The following ERCC3 variants were observed in gnomAD, a reference collection of about 807,000 sequenced individuals.
ERCC3 encodes general transcription and DNA repair factor IIH helicase/translocase subunit XPB.
In ERCC3, 66 loss-of-function variants were observed where a neutral mutation model predicts 94.2. The ratio of observed to expected loss-of-function variants is 0.70; its 90% CI spans 0.57 to 0.86. The LOEUF is 0.86. Ranked by LOEUF, ERCC3 falls within the 40% of genes least tolerant of loss-of-function variation. The pLI, the probability that ERCC3 is intolerant of heterozygous loss-of-function variation, is 0.00. For synonymous variants in ERCC3, 349 were observed against 369.1 expected, an observed-to-expected ratio of 0.95 and a Z score of 0.63; for missense variants, 829 against 987.1, an observed-to-expected ratio of 0.84 and a Z score of 2.15.
At position 127,279,213 on chromosome 2, in the gene ERCC3, T is replaced by G; in HGVS notation, c.1690A>C (p.Asn564His). Residue 564 changes from asparagine (N) to histidine (H), a missense_variant, in exon 10 of 15, where the codon AAT (asparagine) becomes CAT (histidine). By Grantham distance (68) the Asn-to-His change is moderately conservative (BLOSUM62 1). Transcript: ENST00000285398. The surrounding 1 kb of genome is among the most constrained non-coding windows in gnomAD (Gnocchi z 4.7). The stretch of plus-strand genomic sequence containing the variant: ...GCATATTCCTTTAGGGCAAACACAT[T>G]GTCAGCAAAGACAATAATCTTGTCA... ...RNDKIIVFAD[N>H]VFALKEYAIR... 1 of 1,613,968 alleles carries G rather than the reference T, an allele frequency of 6.2e-7. No homozygotes were observed. Among genetic ancestry groups the G allele is most frequent in the Non-Finnish European group, 8.5e-7 (1 of 1,179,822 alleles).
Position 127,280,781 on chromosome 2 carries a change from C to T in ERCC3, c.1343-150G>A. The T allele has an allele frequency of 1.4e-6, 1 of 723,326 alleles. No individual in the cohort carries two copies. The highest frequency in any genetic ancestry group is 2.4e-6 in the Non-Finnish European group (1 of 424,444). 44.8% of individuals were successfully genotyped at this position (723,326 alleles called of 1,614,324 possible). A position where few individuals can be genotyped will look rare whatever the true frequency, so the allele number is the denominator to read the frequency against. ...GCCTCAAGCAATCCCCCTGCCTTCG[C>T]CTCCCAAAGTGCTGGGATTACAGAC... On this transcript the variant is annotated intron_variant, in intron 8 of 14. Coordinates refer to ENST00000285398, the MANE Select transcript of ERCC3 (RefSeq NM_000122.2). This position sits in a 1 kb window ranked among gnomAD's most constrained non-coding sequence, Gnocchi z 6.3.
Position 127,261,210 on chromosome 2 carries a change from A to G in ERCC3, c.2064+18T>C. On this transcript the variant is annotated intron_variant, in intron 13 of 14. Transcript: ENST00000285398. The stretch of plus-strand genomic sequence containing the variant: ...AGGCCTTGGTCCTAGTCTAACCAGA[A>G]GCCAAATGGATATGTACCTTGAAGC... 1 of 1,487,066 alleles carries G rather than the reference A, an allele frequency of 6.7e-7. No individual in the cohort carries two copies. The highest frequency in any genetic ancestry group is 9.4e-7 in the Non-Finnish European group (1 of 1,063,936). The allele number at this position is 1,487,066 out of a possible 1,614,324, so 92.1% of individuals were successfully genotyped here.
Position 127,271,587 on chromosome 2 carries a change from G to A in ERCC3, c.1828-134C>T. 1 of 717,658 alleles carries A rather than the reference G, an allele frequency of 1.4e-6. No homozygotes were observed. The highest frequency in any genetic ancestry group is 2.5e-6 in the Non-Finnish European group (1 of 407,224). The allele number at this position is 717,658 out of a possible 1,614,324, so 44.5% of individuals were successfully genotyped here. On this transcript the variant is annotated intron_variant, in intron 11 of 14. Coordinates refer to ENST00000285398, the MANE Select transcript of ERCC3 (RefSeq NM_000122.2). The surrounding 1 kb of genome is among the most constrained non-coding windows in gnomAD (Gnocchi z 5.0). ...CTCCTCTTTATACCAGGGTCTATCT[G>A]ATGCAGGCAGAGAGAGGTGAAGCAA...
rs936608930 is a variant in ERCC3, at chr2:127,274,340, A to G, written c.1731-1379T>C. On this transcript the variant is annotated intron_variant, in intron 10 of 14. Transcript: ENST00000285398. The surrounding 1 kb of genome is among the most constrained non-coding windows in gnomAD (Gnocchi z 4.0). The stretch of plus-strand genomic sequence containing the variant: ...AGAAAAAAAAAAAAAAGAAAAAGAA[A>G]AGAAAAAAATCCAGCCAGCCCTGCC... Among the ~76,000 whole-genome samples, 3 of 152,100 alleles carry G rather than the reference A, an allele frequency of 2.0e-5. No individual in the cohort carries two copies. Among genetic ancestry groups the G allele is most frequent in the Non-Finnish European group, 4.4e-5 (3 of 68,014 alleles).
At chr2:127,287,135 C>T in intron 7 of ERCC3, 118 bp from the exon 8 acceptor site, 1 of 764,226 alleles carries the variant, frequency 1.3e-6, no homozygotes, top group South Asian at 1.6e-5. Context: ...GTCCACATAG[C>T]TGACATCTGA....
At position 127,264,913 on chromosome 2, in the gene ERCC3, T is replaced by C. The variant is rs1412617887; in HGVS notation, c.1946-3567A>G. ...CCCAGGCTGGAGTGCAGTGGCACGA[T>C]CTCAGCTCACTGCAACCTCCACCTC... is the stretch of plus-strand genomic sequence containing the variant. On this transcript the variant is annotated intron_variant, in intron 12 of 14. Coordinates refer to ENST00000285398, the MANE Select transcript of ERCC3 (RefSeq NM_000122.2). This position sits in a 1 kb window ranked among gnomAD's most constrained non-coding sequence, Gnocchi z 4.4. Among the ~76,000 whole-genome samples the C allele has an allele frequency of 6.6e-6, 1 of 151,398 alleles. No individual in the cohort carries two copies. Among genetic ancestry groups the C allele is most frequent in the African/African-American group, 2.4e-5 (1 of 41,140 alleles).
At chr2:127,286,009 T>G (rs1485046778) in intron 8 of ERCC3, among the ~76,000 whole-genome samples, 2 of 152,052 alleles carry the variant, frequency 1.3e-5, no homozygotes, top group Non-Finnish European at 2.9e-5. Context: ...CCCATGATAC[T>G]TGGAGAAGTA....
At chr2:127,260,677 T>C (rs966885824) in intron 13 of ERCC3, 1 of 162,082 alleles carries the variant, frequency 6.2e-6, no homozygotes, top group African/African-American at 2.4e-5. Context: ...TAGTGGACCA[T>C]AGGGGGAATT....
chr2:127,263,068 A>G (rs1415878850), intron 12 of ERCC3, among the ~76,000 whole-genome samples: 2 of 152,176 alleles, frequency 1.3e-5, no homozygotes, highest in African/African-American at 4.8e-5. Flanking sequence ...TAAGCCCTGT[A>G]GCATAGTTTG....
At position 127,264,292 on chromosome 2, in the gene ERCC3, T is replaced by C. The variant is rs1684286637; in HGVS notation, c.1946-2946A>G. Among the ~76,000 whole-genome samples the C allele has an allele frequency of 6.6e-6, 1 of 152,108 alleles. No individual in the cohort carries two copies. The highest frequency in any genetic ancestry group is 1.5e-5 in the Non-Finnish European group (1 of 68,010). On this transcript the variant is annotated intron_variant, in intron 12 of 14. Transcript: ENST00000285398. This position sits in a 1 kb window ranked among gnomAD's most constrained non-coding sequence, Gnocchi z 4.4. Reference sequence around the variant, plus strand: ...CAGCACTGCCAACATGGCGAAACCCTGTCTCTACTAAAAATACAAAAAAAT... The same window carrying C: ...CAGCACTGCCAACATGGCGAAACCCCGTCTCTACTAAAAATACAAAAAAAT...
intron 2 of ERCC3, 85 bp downstream of exon 2, chr2:127,293,428 T>G: frequency 8.1e-7 from 1 of 1,227,460 alleles, no homozygotes; most frequent in Non-Finnish European, 1.2e-6. Context: ...GTATCCTGAA[T>G]GTCAGTTTTG....
Position 127,293,636 on chromosome 2 carries a change from C to A in ERCC3, c.111G>T (p.Ala37=), listed in dbSNP as rs749971925. The part of the protein sequence containing the change: ...EDAPGNDPQE[A]VPSAAGKQVD... Reference sequence around the variant, plus strand: ...CCTGCTTCCCCGCCGCCGAGGGAACCGCTTCCTGAGGGTCGTTCCCCGGGG... The same window carrying A: ...CCTGCTTCCCCGCCGCCGAGGGAACAGCTTCCTGAGGGTCGTTCCCCGGGG... The change falls in exon 2 of 15, where the codon GCG becomes GCT. Residue 37 remains alanine, a synonymous_variant. Coordinates refer to ENST00000285398, the MANE Select transcript of ERCC3 (RefSeq NM_000122.2). 6.8e-6 allele frequency: 11 copies of A among 1,614,178 alleles called. No homozygotes were observed. Among genetic ancestry groups the A allele is most frequent in the East Asian group, 2.2e-5 (1 of 44,874 alleles).
In ERCC3 at chr2:127,258,058, T is replaced by C. The variant is rs1684073273; in HGVS notation, c.2218-331A>G. Among the ~76,000 whole-genome samples the C allele has an allele frequency of 6.6e-6, 1 of 152,074 alleles. No homozygotes were observed. The highest frequency in any genetic ancestry group is 2.4e-5 in the African/African-American group (1 of 41,416). The stretch of plus-strand genomic sequence containing the variant: ...CCTGGCTTCAGACTGTTCTTAACCA[T>C]AATGCCACACTACCTCACTTAATAA... On this transcript the variant is annotated intron_variant, in intron 14 of 14. Transcript: ENST00000285398. The surrounding 1 kb of genome is among the most constrained non-coding windows in gnomAD (Gnocchi z 4.1).
At position 127,279,076 on chromosome 2, in the gene ERCC3, G is replaced by A. The variant is rs1374743801; in HGVS notation, c.1730+97C>T. The stretch of plus-strand genomic sequence containing the variant: ...GATCTTTGGAGCCCAAGAAGTTCCT[G>A]AGAGAAAAACAAAAAAACAAAACAA... On this transcript the variant is annotated intron_variant, in intron 10 of 14. Coordinates refer to ENST00000285398, the MANE Select transcript of ERCC3 (RefSeq NM_000122.2). The surrounding 1 kb of genome is among the most constrained non-coding windows in gnomAD (Gnocchi z 4.7). 2.4e-6 allele frequency: 2 copies of A among 822,250 alleles called. No homozygotes were observed. The highest frequency in any genetic ancestry group is 2.6e-5 in the East Asian group (1 of 38,074). 50.9% of individuals were successfully genotyped at this position (822,250 alleles called of 1,614,324 possible).
intron 3 of ERCC3, chr2:127,290,713 T>C (rs529512254): frequency 2.8e-5 from 8 of 282,128 alleles, no homozygotes; most frequent in African/African-American, 1.8e-4. Flanking sequence ...TGGCAGAGAA[T>C]ACAGCTTAAA....
chr2:127,265,650 C>A (rs1684332074), intron 12 of ERCC3, among the ~76,000 whole-genome samples: 1 of 152,232 alleles, frequency 6.6e-6, no homozygotes, highest in Admixed American at 6.5e-5. Flanking sequence ...AACTCTTGAC[C>A]TTGTAATCCG....
chr2:127,277,458 G>A lies in ERCC3; in HGVS notation c.1730+1715C>T, dbSNP rs1312813430. Among the ~76,000 whole-genome samples the A allele has an allele frequency of 3.3e-5, 5 of 152,098 alleles. No individual in the cohort carries two copies. The highest frequency in any genetic ancestry group is 1.3e-4 in the Admixed American group (2 of 15,276). ...TGTAATCCCAGCACTTTGGAAGGCC[G>A]AGGCAGGCAGATCACGAGGTCAAGA... On this transcript the variant is annotated intron_variant, in intron 10 of 14. Transcript: ENST00000285398. This position sits in a 1 kb window ranked among gnomAD's most constrained non-coding sequence, Gnocchi z 5.1.
Position 127,293,524 on chromosome 2 carries a change from G to C in ERCC3, c.223C>G (p.Pro75Ala). Reference sequence around the variant, plus strand: ...AAGGGCATGCTTACCACCCAGAGGGGCCTGGAGGTGTGGTCGTCCTTCAGC... The same window carrying C: ...AAGGGCATGCTTACCACCCAGAGGGCCCTGGAGGTGTGGTCGTCCTTCAGC... The part of the protein sequence containing the change: ...MPLKDDHTSR[P>A]LWVAPDGHIF... The change falls in exon 2 of 15, where the codon CCC becomes GCC. Residue 75 changes from proline to alanine, a missense_variant. Coordinates refer to ENST00000285398, the MANE Select transcript of ERCC3 (RefSeq NM_000122.2). 6.2e-7 allele frequency: 1 copy of C among 1,614,110 alleles called. No homozygotes were observed. Among genetic ancestry groups the C allele is most frequent in the Non-Finnish European group, 8.5e-7 (1 of 1,179,998 alleles).
intron 8 of ERCC3, among the ~76,000 whole-genome samples, chr2:127,283,144 G>A (rs1239063350): frequency 2.5e-5 from 3 of 119,266 alleles, no homozygotes; most frequent in Admixed American, 1.9e-4. Flanking sequence ...GGCGGGGGGT[G>A]GGGGGGGCAC....
Sources: gnomAD v4.1 joint callset for allele counts (sites outside exome capture counted in the v4.1 genomes callset) on GRCh38, gnomAD v4.1.1 for gene constraint, Gnocchi (gnomAD v3.1) non-coding constraint, MANE v1.5 for transcripts, NCBI Gene and HGNC (gene_info 2026-07-23, HGNC 2026-07-21) for gene names.